Variants in DPP10 observed in about 807,000 individuals in gnomAD.
DPP10 encodes the protein inactive dipeptidyl peptidase 10.
Under a neutral mutation model 120.9 loss-of-function variants are expected in DPP10, and 33 were observed. That is an observed-to-expected ratio of 0.27 (90% confidence interval 0.21 to 0.37). The LOEUF (loss-of-function observed/expected upper bound fraction) is 0.37. DPP10 is among the 10% of genes least tolerant of loss of function. The pLI is 1.00. For missense variants in DPP10, 816 were observed against 942.8 expected (o/e 0.87, Z 1.76); for synonymous variants, 337 against 326.1 (o/e 1.03, Z -0.36).
chr2:115,763,532 C>T (rs1680353660), intron 12 of DPP10, among the ~76,000 whole-genome samples: 1 of 152,084 alleles, frequency 6.6e-6, no homozygotes, highest in African/African-American at 2.4e-5. Flanking sequence ...AATCTTTTCT[C>T]ATTTTTATCT....
chr2:115,381,192 A>G (rs980900342), intron 3 of DPP10, among the ~76,000 whole-genome samples: 12 of 152,208 alleles, frequency 7.9e-5, no homozygotes, highest in African/African-American at 2.4e-4. Context: ...ACGTACACCA[A>G]TCAGTCGTAG....
intron 1 of DPP10, among the ~76,000 whole-genome samples, chr2:115,171,971 G>T (rs921121011): frequency 1.3e-5 from 2 of 152,152 alleles, no homozygotes; most frequent in Admixed American, 6.5e-5. Flanking sequence ...CAGTGAAATG[G>T]CAGTGCCACC....
chr2:115,279,115 A>T (rs1171019320), intron 1 of DPP10, among the ~76,000 whole-genome samples: 1 of 152,134 alleles, frequency 6.6e-6, no homozygotes, highest in Non-Finnish European at 1.5e-5. Flanking sequence ...TTAACAGCTG[A>T]TATGCCTTTA....
At chr2:115,051,924 T>C (rs568689164) in intron 1 of DPP10, among the ~76,000 whole-genome samples, 85 of 152,350 alleles carry the variant, frequency 5.6e-4, no homozygotes, top group South Asian at 1.5e-3. Context: ...GAACATCATG[T>C]TATACACCGT....
intron 5 of DPP10, among the ~76,000 whole-genome samples, chr2:115,619,319 C>T (rs1055356791): frequency 1.3e-5 from 2 of 151,524 alleles, no homozygotes; most frequent in African/African-American, 2.4e-5. Flanking sequence ...TCATGATCCG[C>T]CCGCGTCGGC....
chr2:114,623,501 G>C (rs1421833666), intron 1 of DPP10, among the ~76,000 whole-genome samples: 1 of 152,064 alleles, frequency 6.6e-6, no homozygotes, highest in Non-Finnish European at 1.5e-5. Context: ...TGCAATTTGA[G>C]GGATTTTTAT....
intron 5 of DPP10, among the ~76,000 whole-genome samples, chr2:115,561,358 CAAAAAAAAAAAAAAA>C (rs11421762): frequency 1.7e-5 from 1 of 59,804 alleles, no homozygotes; most frequent in Non-Finnish European, 2.8e-5. Context: ...GACTCCATCA[CAAAAAAAAAAAAAAA>C]AAAAAAAAAA....
At chr2:115,759,143 G>A (rs1679786597) in intron 11 of DPP10, among the ~76,000 whole-genome samples, 1 of 152,022 alleles carries the variant, frequency 6.6e-6, no homozygotes, top group African/African-American at 2.4e-5. Context: ...TTTGCCAAAT[G>A]GGTATCAGAC....
intron 7 of DPP10, among the ~76,000 whole-genome samples, chr2:115,712,803 C>G (rs1559062579): frequency 6.6e-6 from 1 of 151,334 alleles, no homozygotes. Flanking sequence ...GTAATACAAG[C>G]CTACAAATGA....
chr2:115,777,932 A>G, intron 15 of DPP10, 98 bp downstream of exon 15: 3 of 1,321,816 alleles, frequency 2.3e-6, no homozygotes, highest in Non-Finnish European at 3.2e-6. Context: ...TGTCTTTTTC[A>G]ACATGGCTAG....
intron 3 of DPP10, among the ~76,000 whole-genome samples, chr2:115,393,420 A>G (rs1035168946): frequency 2.0e-5 from 3 of 152,232 alleles, no homozygotes; most frequent in African/African-American, 4.8e-5. Flanking sequence ...CTGAATGACC[A>G]TCGAATGTTT....
At chr2:114,772,391 C>G (rs942523905) in intron 1 of DPP10, among the ~76,000 whole-genome samples, 2 of 152,146 alleles carry the variant, frequency 1.3e-5, no homozygotes, top group Admixed American at 6.5e-5. Context: ...AACTCCTGAC[C>G]TCATGCGATC....
chr2:114,945,406 T>G (rs1697270343), intron 1 of DPP10, among the ~76,000 whole-genome samples: 1 of 152,180 alleles, frequency 6.6e-6, no homozygotes, highest in Non-Finnish European at 1.5e-5. Context: ...AACAATCAAT[T>G]TTTTTAAATG....
intron 1 of DPP10, among the ~76,000 whole-genome samples, chr2:115,250,495 T>A (rs1282856657): frequency 6.6e-5 from 10 of 152,098 alleles, no homozygotes; most frequent in Non-Finnish European, 5.9e-5. Flanking sequence ...GTATGGGTGG[T>A]ACATGTAGGG....
chr2:115,253,249 A>G (rs563490161), intron 1 of DPP10, among the ~76,000 whole-genome samples: 4 of 152,314 alleles, frequency 2.6e-5, no homozygotes, highest in East Asian at 1.9e-4. Context: ...AGCCTTCCCT[A>G]TGACCCAGAT....
intron 1 of DPP10, among the ~76,000 whole-genome samples, chr2:114,619,741 A>C (rs1408538975): frequency 6.6e-6 from 1 of 151,946 alleles, no homozygotes; most frequent in Non-Finnish European, 1.5e-5. Context: ...GATTCTCTTA[A>C]ACTCTATATG....
chr2:114,767,207 C>CAAAAAAAAAAAAAAAAAAA (rs5833559), intron 1 of DPP10, among the ~76,000 whole-genome samples: 1 of 33,060 alleles, frequency 3.0e-5, no homozygotes, highest in African/African-American at 1.2e-4. Flanking sequence ...AGGATAAAAG[C>CAAAAAAAAAAAAAAAAAAA]AAAAAAAAAA....
chr2:115,606,215 G>A (rs577085609), intron 5 of DPP10, among the ~76,000 whole-genome samples: 84 of 152,218 alleles, frequency 5.5e-4, no homozygotes, highest in Non-Finnish European at 1.1e-3. Context: ...ATTTGAGGTG[G>A]AGTCTTAATT....
At chr2:114,922,705 T>G (rs1695286963) in intron 1 of DPP10, among the ~76,000 whole-genome samples, 1 of 152,224 alleles carries the variant, frequency 6.6e-6, no homozygotes, top group Admixed American at 6.5e-5. Context: ...TTTTTCATGT[T>G]GTACCGTGAA....
Sources: gnomAD v4.1 joint callset for allele counts (sites outside exome capture counted in the v4.1 genomes callset) on GRCh38, gnomAD v4.1.1 for gene constraint, MANE v1.5 for transcripts, NCBI Gene and HGNC (gene_info 2026-07-23, HGNC 2026-07-21) for gene names.